Variants in ANKRD36 observed in about 807,000 individuals in gnomAD.
ANKRD36 encodes the protein ankyrin repeat domain-containing protein 36A.
A neutral mutation model predicts 278.1 loss-of-function variants in ANKRD36; 179 were observed. That is an observed-to-expected ratio of 0.64 (90% CI 0.57 to 0.73). The LOEUF (loss-of-function observed/expected upper bound fraction) is 0.73. ANKRD36 is among the 30% of genes least tolerant of loss of function. The pLI, the probability that ANKRD36 is intolerant of heterozygous loss-of-function variation, is 0.00. For synonymous variants in ANKRD36, 320 were observed against 641.1 expected, an observed-to-expected ratio of 0.50 and a Z score of 7.57; for missense variants, 1,159 against 1,956.7, an observed-to-expected ratio of 0.59 and a Z score of 7.69.
At position 97,204,205 on chromosome 2, in the gene ANKRD36, G is replaced by C. The variant is rs2062177753; in HGVS notation, c.3003G>C (p.Glu1001Asp). ...KPPGLKATSDEKDSVLNIARG... is the reference protein window; with the variant it reads ...KPPGLKATSDDKDSVLNIARG... ...ATTCCATTCAGGCTACAAGTGATGA[G>C]AAAGATTCTGTTTTGAATATAGCCA... The change falls in exon 50 of 76, where the codon GAG becomes GAC. Residue 1001 changes from glutamate (E) to aspartate (D), a missense_variant. Glu to Asp is a conservative substitution (Grantham distance 45). Transcript: ENST00000420699. 1 of 1,584,214 alleles carries C rather than the reference G, an allele frequency of 6.3e-7. No individual in the cohort carries two copies. The highest frequency in any genetic ancestry group is 8.6e-7 in the Non-Finnish European group (1 of 1,167,482).
chr2:97,115,118 C>T (rs1327737550), intron 1 of ANKRD36, among the ~76,000 whole-genome samples: 1 of 152,026 alleles, frequency 6.6e-6, no homozygotes, highest in Non-Finnish European at 1.5e-5. Flanking sequence ...CAAGTAATGG[C>T]GAAAGCCGCA....
intron 8 of ANKRD36, among the ~76,000 whole-genome samples, chr2:97,143,338 T>G (rs1314432900): frequency 6.6e-6 from 1 of 152,000 alleles, no homozygotes; most frequent in African/African-American, 2.4e-5. Context: ...TTATGTAATT[T>G]TGGGGTTTCT....
At chr2:97,226,104 T>C (rs1343846533) in intron 67 of ANKRD36, among the ~76,000 whole-genome samples, 1 of 151,714 alleles carries the variant, frequency 6.6e-6, no homozygotes, top group Non-Finnish European at 1.5e-5. Flanking sequence ...TGTGTCTTTA[T>C]AGCAGCATGA....
rs555492453 is a variant in ANKRD36 at position 97,115,944 on chromosome 2, A to G, written c.197+2008A>G. Reference sequence around the variant, plus strand: ...AATTTCAGTGCATCCATAGGATGGGACAATATGGGACCTTTGCAGATGTCA... The same window carrying G: ...AATTTCAGTGCATCCATAGGATGGGGCAATATGGGACCTTTGCAGATGTCA... On this transcript the variant is annotated intron_variant, in intron 1 of 75. Transcript: ENST00000420699. Among the ~76,000 whole-genome samples the G allele has an allele frequency of 9.8e-3, 1,477 of 151,048 alleles. 23 individuals are homozygous for G. Among genetic ancestry groups the G allele is most frequent in the African/African-American group, 0.034 (1,379 of 41,158 alleles).
intron 22 of ANKRD36, among the ~76,000 whole-genome samples, chr2:97,174,523 G>C: frequency 6.6e-6 from 1 of 151,808 alleles, no homozygotes; most frequent in Non-Finnish European, 1.5e-5. Flanking sequence ...TTTTCAAGGA[G>C]CTATTGGATA....
chr2:97,260,379 T>TATATATATATATATATACAC (rs1315601255), intron 75 of ANKRD36, among the ~76,000 whole-genome samples: 1 of 121,248 alleles, frequency 8.2e-6, no homozygotes, highest in African/African-American at 3.2e-5. Flanking sequence ...TATATATATA[T>TATATATATATATATATACAC]ACACACATAT....
chr2:97,184,941 T>G (rs1456476601), intron 28 of ANKRD36, among the ~76,000 whole-genome samples: 1 of 151,738 alleles, frequency 6.6e-6, no homozygotes, highest in Non-Finnish European at 1.5e-5. Context: ...TTTTGATACC[T>G]TGCATGAAAG....
intron 6 of ANKRD36, among the ~76,000 whole-genome samples, chr2:97,132,156 C>T (rs1477590701): frequency 6.6e-6 from 1 of 151,224 alleles, no homozygotes; most frequent in Non-Finnish European, 1.5e-5. Context: ...CAGGGTCTCA[C>T]TCTGTTTCCC....
chr2:97,193,133 G>C, intron 38 of ANKRD36, 80 bp downstream of exon 38: 4 of 1,298,374 alleles, frequency 3.1e-6, no homozygotes, highest in Non-Finnish European at 1.1e-6. Flanking sequence ...TCAGCGGGGG[G>C]CTCGTTGAAG....
intron 32 of ANKRD36, among the ~76,000 whole-genome samples, chr2:97,188,496 C>T (rs1325892003): frequency 1.3e-5 from 2 of 151,546 alleles, no homozygotes; most frequent in African/African-American, 4.8e-5. Flanking sequence ...CAAATTATTA[C>T]ACCACATGGG....
chr2:97,226,272 C>G (rs1294747148), intron 67 of ANKRD36, among the ~76,000 whole-genome samples: 7 of 152,058 alleles, frequency 4.6e-5, no homozygotes, highest in Non-Finnish European at 1.0e-4. Context: ...TTCTCCACAT[C>G]CTCTCCAGCA....
At chr2:97,117,804 G>A (rs1335496249) in intron 1 of ANKRD36, among the ~76,000 whole-genome samples, 1 of 151,836 alleles carries the variant, frequency 6.6e-6, no homozygotes, top group African/African-American at 2.4e-5. Flanking sequence ...TATTGATAAG[G>A]AAATTGAAGC....
intron 44 of ANKRD36, 139 bp downstream of exon 44, chr2:97,198,797 T>C: frequency 9.8e-7 from 1 of 1,016,570 alleles, no homozygotes; most frequent in Non-Finnish European, 1.4e-6. Flanking sequence ...TCAAATAAGT[T>C]CTTGGGTGAT....
Position 97,113,723 on chromosome 2 carries a change from A to G in ANKRD36, c.-17A>G, listed in dbSNP as rs1263946692. The G allele has an allele frequency of 8.1e-6, 13 of 1,611,582 alleles. 2 individuals are homozygous for G. The East Asian group carries it at 2.7e-4, about 34-fold the overall frequency. On this transcript the variant is annotated 5_prime_UTR_variant, in exon 1 of 76. Transcript: ENST00000420699. ...AGCTGAAATACGGCTGCAGGCTACA[A>G]TTTGCAGCCGACGATTATGGAAGAC...
intron 75 of ANKRD36, among the ~76,000 whole-genome samples, chr2:97,263,462 CTTG>C (rs2076944618): frequency 1.3e-5 from 1 of 79,320 alleles, no homozygotes; most frequent in Non-Finnish European, 2.1e-5. Flanking sequence ...TGGTGAGGTA[CTTG>C]TTAAGGTCTT....
chr2:97,212,619 G>C (rs1005904538), intron 58 of ANKRD36: 2 of 153,424 alleles, frequency 1.3e-5, no homozygotes, highest in Non-Finnish European at 2.9e-5. Context: ...CTCCTAAAGT[G>C]GTCCTTTCAA....
intron 32 of ANKRD36, among the ~76,000 whole-genome samples, chr2:97,188,506 G>A (rs1318834239): frequency 2.0e-5 from 3 of 151,024 alleles, no homozygotes; most frequent in Non-Finnish European, 4.4e-5. Context: ...CACCACATGG[G>A]GGTGAGAGAT....
At chr2:97,117,571 T>G (rs1225290139) in intron 1 of ANKRD36, among the ~76,000 whole-genome samples, 1 of 152,110 alleles carries the variant, frequency 6.6e-6, no homozygotes, top group Non-Finnish European at 1.5e-5. Context: ...AATGAGCATC[T>G]GAGAATGACT....
chr2:97,123,090 G>C, intron 4 of ANKRD36, 97 bp downstream of exon 4: 8 of 1,006,072 alleles, frequency 8.0e-6, no homozygotes, highest in Non-Finnish European at 1.1e-5. Flanking sequence ...TTAATAAGAA[G>C]ACTAACTTGT....
Sources: allele counts gnomAD v4.1 joint callset (sites outside exome capture counted in the v4.1 genomes callset), GRCh38; gene constraint gnomAD v4.1.1; transcripts MANE v1.5; gene names NCBI Gene and HGNC (gene_info 2026-07-23, HGNC 2026-07-21).